The following NTRK2 variants were observed in gnomAD, a reference collection of about 807,000 sequenced individuals.
The protein encoded by NTRK2 is neurotrophic receptor tyrosine kinase 2.
A neutral mutation model predicts 94.5 loss-of-function variants in NTRK2; 13 were observed. That is an observed-to-expected ratio of 0.14 (90% confidence interval 0.09 to 0.22). The LOEUF is 0.22. Ranked by LOEUF, NTRK2 falls within the 10% of genes least tolerant of loss-of-function variation. NTRK2 has a pLI of 1.00. For synonymous variants in NTRK2, 372 were observed against 407.4 expected, an observed-to-expected ratio of 0.91 and a Z score of 1.05; for missense variants, 639 against 1,071.2, an observed-to-expected ratio of 0.60 and a Z score of 5.63.
At chr9:84,790,160 T>A (rs1003642771) in intron 12 of NTRK2, among the ~76,000 whole-genome samples, 1 of 152,200 alleles carries the variant, frequency 6.6e-6, no homozygotes, top group Non-Finnish European at 1.5e-5. Context: ...AGAACACTTT[T>A]AGTCAGAAAA....
chr9:84,730,783 C>CAAAAAAAAAAAAAAAAAAAAAAAAAAAA lies in NTRK2; in HGVS notation c.1159+2849_1159+2850insAAAAAAAAAAAAAAAAAAAAAAAAAAAA. Among the ~76,000 whole-genome samples the CAAAAAAAAAAAAAAAAAAAAAAAAAAAA allele has an allele frequency of 3.7e-4, 9 of 24,142 alleles. 1 individual carries two copies. Among genetic ancestry groups the CAAAAAAAAAAAAAAAAAAAAAAAAAAAA allele is most frequent in the Admixed American group, 9.4e-4 (1 of 1,062 alleles). 15.8% of individuals were successfully genotyped at this position (24,142 alleles called of 152,430 possible). ...AAACTAAAGAAAAATAAACAAATAG[C>CAAAAAAAAAAAAAAAAAAAAAAAAAAAA]AAAAAAAAAAAAAAAAAAAAAAAAA... On this transcript the variant is annotated intron_variant, in intron 9 of 18. Coordinates refer to ENST00000277120, the MANE Select transcript of NTRK2 (RefSeq NM_006180.6).
intron 17 of NTRK2, among the ~76,000 whole-genome samples, chr9:84,957,409 A>G (rs1824275119): frequency 1.3e-5 from 2 of 152,370 alleles, no homozygotes; most frequent in Admixed American, 1.3e-4. Context: ...TCTCAACAAT[A>G]AAAAGATAAA....
At chr9:84,802,387 G>A (rs910700754) in intron 12 of NTRK2, among the ~76,000 whole-genome samples, 2 of 152,144 alleles carry the variant, frequency 1.3e-5, no homozygotes, top group African/African-American at 4.8e-5. Flanking sequence ...AATTATGAAG[G>A]GACTTCCTGC....
intron 17 of NTRK2, among the ~76,000 whole-genome samples, chr9:85,006,794 C>T (rs1042943467): frequency 6.6e-6 from 1 of 152,136 alleles, no homozygotes; most frequent in African/African-American, 2.4e-5. Flanking sequence ...TCCTAATTTA[C>T]AGTTTCAACA....
chr9:84,881,899 G>A (rs2076265058), intron 14 of NTRK2, among the ~76,000 whole-genome samples: 1 of 152,076 alleles, frequency 6.6e-6, no homozygotes, highest in African/African-American at 2.4e-5. Context: ...TATTATGAGA[G>A]AATAATTTCT....
intron 12 of NTRK2, among the ~76,000 whole-genome samples, chr9:84,857,735 G>A (rs558228950): frequency 6.6e-6 from 1 of 152,202 alleles, no homozygotes; most frequent in Admixed American, 6.5e-5. Flanking sequence ...CCTCAGCTGG[G>A]TGCTCCTTCA....
intron 14 of NTRK2, chr9:84,873,408 CA>C (rs1022798718): frequency 9.4e-7 from 1 of 1,058,982 alleles, no homozygotes; most frequent in Non-Finnish European, 1.1e-6. Context: ...TTTTATGGCA[CA>C]CTGGGTTGAC....
At chr9:84,791,454 C>T (rs981804108) in intron 12 of NTRK2, among the ~76,000 whole-genome samples, 13 of 152,092 alleles carry the variant, frequency 8.5e-5, no homozygotes, top group Admixed American at 3.9e-4. Context: ...CAGAAGCTAA[C>T]AGAACCCGCA....
intron 2 of NTRK2, among the ~76,000 whole-genome samples, chr9:84,680,953 CT>C (rs1190117477): frequency 1.3e-5 from 2 of 152,154 alleles, no homozygotes; most frequent in East Asian, 3.8e-4. Flanking sequence ...TGTTTTCCCT[CT>C]ATCTCTCTGC....
At chr9:84,831,289 A>C (rs1257600868) in intron 12 of NTRK2, among the ~76,000 whole-genome samples, 13 of 152,230 alleles carry the variant, frequency 8.5e-5, no homozygotes, top group African/African-American at 3.1e-4. Flanking sequence ...CAGTCACACC[A>C]GAAGAGTATA....
intron 14 of NTRK2, among the ~76,000 whole-genome samples, chr9:84,905,821 A>T (rs1441488091): frequency 1.3e-5 from 2 of 152,208 alleles, no homozygotes; most frequent in Admixed American, 6.5e-5. Flanking sequence ...GAATGAATGA[A>T]GATAGACATG....
At chr9:84,690,043 T>G (rs1175641582) in intron 2 of NTRK2, among the ~76,000 whole-genome samples, 2 of 152,188 alleles carry the variant, frequency 1.3e-5, no homozygotes, top group Non-Finnish European at 2.9e-5. Flanking sequence ...TCTTTGAAGT[T>G]TAACTCCAAA....
At chr9:84,933,474 T>C (rs554432269) in intron 14 of NTRK2, among the ~76,000 whole-genome samples, 61 of 152,316 alleles carry the variant, frequency 4.0e-4, no homozygotes, top group African/African-American at 1.2e-3. Context: ...CATTCTCTTG[T>C]CCTGGGATTC....
intron 2 of NTRK2, among the ~76,000 whole-genome samples, chr9:84,698,384 AATATAT>A (rs10568238): frequency 8.7e-5 from 13 of 149,998 alleles, no homozygotes; most frequent in Non-Finnish European, 1.5e-4. Flanking sequence ...GATTTAATCT[AATATAT>A]ATATATATAT....
chr9:84,854,073 A>G (rs1352415481), intron 12 of NTRK2, among the ~76,000 whole-genome samples: 5 of 148,092 alleles, frequency 3.4e-5, no homozygotes, highest in Admixed American at 3.4e-4. Flanking sequence ...CTCTGTCTCA[A>G]AAAAAAAAAA....
At chr9:84,890,534 C>T (rs981805461) in intron 14 of NTRK2, among the ~76,000 whole-genome samples, 1 of 152,168 alleles carries the variant, frequency 6.6e-6, no homozygotes. Context: ...TTTTCTCATC[C>T]TCTAGGATCA....
chr9:84,810,047 A>C (rs2071595322), intron 12 of NTRK2, among the ~76,000 whole-genome samples: 1 of 152,188 alleles, frequency 6.6e-6, no homozygotes, highest in Non-Finnish European at 1.5e-5. Flanking sequence ...GAAAATCAGG[A>C]TTTGGGTAGA....
intron 6 of NTRK2, among the ~76,000 whole-genome samples, chr9:84,713,800 T>A (rs1183629880): frequency 6.6e-6 from 1 of 152,202 alleles, no homozygotes; most frequent in Admixed American, 6.5e-5. Flanking sequence ...ACTGTGCTTT[T>A]TATATTTTTT....
At chr9:84,809,409 T>C (rs1043388454) in intron 12 of NTRK2, among the ~76,000 whole-genome samples, 3 of 148,316 alleles carry the variant, frequency 2.0e-5, no homozygotes, top group Non-Finnish European at 3.0e-5. Context: ...ATTTATATAT[T>C]ATTATATATA....
Sources: gnomAD v4.1 joint callset for allele counts (sites outside exome capture counted in the v4.1 genomes callset) on GRCh38, gnomAD v4.1.1 for gene constraint, MANE v1.5 for transcripts, NCBI Gene and HGNC (gene_info 2026-07-23, HGNC 2026-07-21) for gene names.